The following DMD variants were observed in gnomAD, a reference collection of about 807,000 sequenced individuals.
DMD encodes the protein dystrophin.
DMD carries 63 observed loss-of-function variants against 330.1 expected under a neutral mutation model. That is an observed-to-expected ratio of 0.19 (90% CI 0.16 to 0.24). DMD has a LOEUF of 0.24. Among genes scored for constraint, DMD ranks in the 10% least tolerant of loss-of-function variants. The pLI is 1.00. For missense variants in DMD, 3,344 were observed against 2,684.1 expected (o/e 1.25, Z -5.43); for synonymous variants, 1,223 against 959.8 (o/e 1.27, Z -5.07).
chrX:31,488,041 C>T lies in DMD; in HGVS notation c.8547+8747G>A, dbSNP rs184840353. 3.0e-3 allele frequency among the ~76,000 whole-genome samples: 335 copies of T among 111,877 alleles called. 4 individuals carry two copies. Among genetic ancestry groups the T allele is most frequent in the African/African-American group, 0.01 (316 of 30,848 alleles). On this transcript the variant is annotated intron_variant, in intron 57 of 78. Transcript: ENST00000357033. ...ATTGTATTCTCTGAGATCAAGGGCA[C>T]GGGCTAGAATAGTCCAGCCTGCTTG...
Position 31,759,058 on chromosome X carries a change from G to T in DMD, c.7542+14902C>A, listed in dbSNP as rs764820218. On this transcript the variant is annotated intron_variant, in intron 51 of 78. Transcript: ENST00000357033. ...ATAGATCCTAAAATTTGTGCAGGTTGTCAATAACATACAGGGCAAGGTTTT... is the reference window on the plus strand; with the variant it reads ...ATAGATCCTAAAATTTGTGCAGGTTTTCAATAACATACAGGGCAAGGTTTT... Among the ~76,000 whole-genome samples the T allele has an allele frequency of 4.5e-5, 5 of 111,757 alleles. No individual in the cohort carries two copies. The East Asian group carries it at 1.4e-3, about 31-fold the overall frequency.
At chrX:32,574,387 T>C (rs2052777134) in intron 13 of DMD, among the ~76,000 whole-genome samples, 1 of 112,012 alleles carries the variant, frequency 8.9e-6, no homozygotes. Flanking sequence ...AAATTTTCTG[T>C]TTCTAAACTA....
intron 47 of DMD, among the ~76,000 whole-genome samples, chrX:31,900,430 A>T (rs1569505185): frequency 9.0e-6 from 1 of 111,007 alleles, no homozygotes; most frequent in East Asian, 2.9e-4. Context: ...TCTCTCTTTG[A>T]CTGCTGCCCA....
At chrX:31,854,845 A>C (rs1396308841) in intron 48 of DMD, among the ~76,000 whole-genome samples, 2 of 111,312 alleles carry the variant, frequency 1.8e-5, no homozygotes, top group Non-Finnish European at 3.8e-5. Flanking sequence ...GTCGGGAGCT[A>C]CCCTGTGTAC....
intron 1 of DMD, among the ~76,000 whole-genome samples, chrX:33,195,357 G>C (rs1005818187): frequency 6.3e-5 from 7 of 111,454 alleles, no homozygotes; most frequent in African/African-American, 1.3e-4. Flanking sequence ...ACTGGACTTA[G>C]AGCTCCTGTG....
intron 62 of DMD, among the ~76,000 whole-genome samples, chrX:31,303,491 A>G (rs2054807171): frequency 9.0e-6 from 1 of 111,685 alleles, no homozygotes; most frequent in Non-Finnish European, 1.9e-5. Context: ...ATTCCTTGAC[A>G]TGTTTTGCTT....
chrX:31,144,628 C>T (rs1485122758), intron 76 of DMD, among the ~76,000 whole-genome samples: 2 of 111,540 alleles, frequency 1.8e-5, no homozygotes, highest in African/African-American at 6.5e-5. Context: ...TTCCTGAACA[C>T]ATCATCATAT....
intron 5 of DMD, among the ~76,000 whole-genome samples, chrX:32,817,229 G>A (rs1180426378): frequency 9.0e-6 from 1 of 110,726 alleles, no homozygotes; most frequent in Non-Finnish European, 1.9e-5. Context: ...TATATTTATT[G>A]GCTGAACTGA....
intron 1 of DMD, among the ~76,000 whole-genome samples, chrX:33,108,881 A>AAAAAAAAAAAAAAAAAG (rs1201118214): frequency 3.0e-5 from 3 of 99,687 alleles, no homozygotes; most frequent in African/African-American, 3.5e-5. Flanking sequence ...AAAAAAAAAA[A>AAAAAAAAAAAAAAAAAG]AAGAAGAAGA....
chrX:32,815,536 CATAT>C (rs1180872402), intron 6 of DMD, among the ~76,000 whole-genome samples: 2 of 97,086 alleles, frequency 2.1e-5, no homozygotes, highest in African/African-American at 8.1e-5. Context: ...CACACACACA[CATAT>C]ATATACATAT....
chrX:32,835,642 G>C (rs2079549445), intron 4 of DMD, among the ~76,000 whole-genome samples: 1 of 111,749 alleles, frequency 8.9e-6, no homozygotes, highest in African/African-American at 3.3e-5. Context: ...AAGCTGAGTG[G>C]CATTCAAGTG....
At chrX:32,216,338 G>A (rs2097112183) in intron 44 of DMD, among the ~76,000 whole-genome samples, 1 of 111,641 alleles carries the variant, frequency 9.0e-6, no homozygotes, top group South Asian at 3.7e-4. Flanking sequence ...CTACACACTG[G>A]TTATCATCCA....
At chrX:31,372,913 T>G (rs113456630) in intron 60 of DMD, among the ~76,000 whole-genome samples, 3,191 of 111,273 alleles carry the variant, frequency 0.029, 116 homozygotes, top group African/African-American at 0.099. Context: ...TGATTGTATA[T>G]CTAGAAAACC....
At chrX:31,235,628 T>C (rs1176113057) in intron 63 of DMD, among the ~76,000 whole-genome samples, 1 of 112,359 alleles carries the variant, frequency 8.9e-6, no homozygotes, top group Non-Finnish European at 1.9e-5. Context: ...TCCTTGCTTT[T>C]ACCAGGTTTA....
At chrX:32,501,956 T>A in intron 18 of DMD, 114 bp from the exon 19 acceptor site, 1 of 558,305 alleles carries the variant, frequency 1.8e-6, no homozygotes, top group Non-Finnish European at 3.0e-6. Flanking sequence ...TGTCAGCTTA[T>A]CACGTGAATC....
chrX:32,310,028 G>T, intron 42 of DMD, 54 bp downstream of exon 42: 1 of 1,060,833 alleles, frequency 9.4e-7, no homozygotes, highest in Non-Finnish European at 1.3e-6. Context: ...CTGGCACTAT[G>T]AATGATCAGT....
chrX:32,042,482 A>G (rs1232258371), intron 44 of DMD, among the ~76,000 whole-genome samples: 1 of 110,962 alleles, frequency 9.0e-6, no homozygotes, highest in African/African-American at 3.3e-5. Flanking sequence ...GGAGAACAGC[A>G]TGGGCAAAAC....
rs539225374 is a variant in DMD, at chrX:33,104,275, C to T, written c.32-84075G>A. On this transcript the variant is annotated intron_variant, in intron 1 of 78. Coordinates refer to ENST00000357033, the MANE Select transcript of DMD (RefSeq NM_004006.3). ...TTTAAAATAATAATGTAGTGTGTTT[C>T]TTTTGAATAAAGAGACTATCATGTA... Among the ~76,000 whole-genome samples the T allele has an allele frequency of 2.2e-4, 24 of 111,550 alleles. No individual in the cohort carries two copies. The South Asian group carries it at 8.6e-3, about 40-fold the overall frequency.
chrX:32,882,267 C>A (rs1017265370), intron 2 of DMD, among the ~76,000 whole-genome samples: 1 of 111,619 alleles, frequency 9.0e-6, no homozygotes, highest in African/African-American at 3.3e-5. Context: ...GTTAGTAATT[C>A]TAACCTTTTG....
Sources: allele counts gnomAD v4.1 joint callset (sites outside exome capture counted in the v4.1 genomes callset), GRCh38; gene constraint gnomAD v4.1.1; transcripts MANE v1.5; gene names NCBI Gene and HGNC (gene_info 2026-07-23, HGNC 2026-07-21).